The following TMEM39A variants were observed in gnomAD, a reference collection of about 807,000 sequenced individuals.
The protein encoded by TMEM39A is suppressor of SQST-1 aggregates in rpl-43 mutants.
Under a neutral mutation model 51.9 loss-of-function variants are expected in TMEM39A, and 19 were observed. That is an observed-to-expected ratio of 0.37 (90% CI 0.26 to 0.54). TMEM39A has a LOEUF of 0.54. TMEM39A is among the 20% of genes least tolerant of loss of function. TMEM39A has a pLI of 0.88. For synonymous variants in TMEM39A, 197 were observed against 220.2 expected (o/e 0.89, Z 0.93); for missense variants, 433 against 590.5 (o/e 0.73, Z 2.76).
At chr3:119,444,627 C>T (rs1250155532) in intron 5 of TMEM39A, among the ~76,000 whole-genome samples, 1 of 152,170 alleles carries the variant, frequency 6.6e-6, no homozygotes, top group Non-Finnish European at 1.5e-5. Flanking sequence ...CACTTCAGCA[C>T]CATAAATAAT....
chr3:119,434,439 C>T (rs2080941615), intron 8 of TMEM39A, among the ~76,000 whole-genome samples: 1 of 152,116 alleles, frequency 6.6e-6, no homozygotes, highest in Non-Finnish European at 1.5e-5. Flanking sequence ...CTAAACCAAA[C>T]TCTTACAAAA....
At chr3:119,433,137 G>A (rs1238084024) in intron 8 of TMEM39A, among the ~76,000 whole-genome samples, 6 of 152,108 alleles carry the variant, frequency 3.9e-5, no homozygotes, top group Non-Finnish European at 8.8e-5. Flanking sequence ...TAATTTAGAT[G>A]GAATTTAGAT....
At chr3:119,445,472 C>T (rs561175621) in intron 5 of TMEM39A, among the ~76,000 whole-genome samples, 1 of 152,152 alleles carries the variant, frequency 6.6e-6, no homozygotes, top group Non-Finnish European at 1.5e-5. Context: ...GCCATGTTGG[C>T]GAGGCTGGTC....
intron 5 of TMEM39A, among the ~76,000 whole-genome samples, chr3:119,442,240 G>A (rs1416316883): frequency 6.6e-6 from 1 of 151,966 alleles, no homozygotes; most frequent in Non-Finnish European, 1.5e-5. Flanking sequence ...CTACTTGGGA[G>A]GCTGAGGCAG....
In TMEM39A at chr3:119,462,166, C is replaced by A; in HGVS notation, c.-74-18G>T. On this transcript the variant is annotated intron_variant, in intron 1 of 8. Transcript: ENST00000319172. ...TTTCAACTCTGAACGACAACAAAAACATTTAAACATCAGTAGACTATTTTT... is the reference window on the plus strand; with the variant it reads ...TTTCAACTCTGAACGACAACAAAAAAATTTAAACATCAGTAGACTATTTTT... 1 of 866,322 alleles carries A rather than the reference C, an allele frequency of 1.2e-6. No homozygotes were observed. Among genetic ancestry groups the A allele is most frequent in the Non-Finnish European group, 1.9e-6 (1 of 538,372 alleles). The allele number at this position is 866,322 out of a possible 1,614,324, so 53.7% of individuals were successfully genotyped here.
chr3:119,447,268 TA>T, intron 4 of TMEM39A, 96 bp from the exon 5 acceptor site: 1 of 1,242,320 alleles, frequency 8.0e-7, no homozygotes, highest in Non-Finnish European at 1.1e-6. Context: ...TAGTGGAAGC[TA>T]AAATGTGTCT....
chr3:119,441,514 G>C (rs1403387948), intron 5 of TMEM39A, among the ~76,000 whole-genome samples: 1 of 152,176 alleles, frequency 6.6e-6, no homozygotes, highest in Non-Finnish European at 1.5e-5. Flanking sequence ...TTAAGTCTAT[G>C]AACCTCCAGA....
intron 3 of TMEM39A, among the ~76,000 whole-genome samples, chr3:119,456,579 G>C (rs951078018): frequency 6.6e-6 from 1 of 151,732 alleles, no homozygotes; most frequent in Non-Finnish European, 1.5e-5. Context: ...GTCTTCTTTC[G>C]CCTAGAGCCT....
rs1314285107 is a variant in TMEM39A, at chr3:119,431,794, A to C, written c.*187T>G. 1 of 461,600 alleles carries C rather than the reference A, an allele frequency of 2.2e-6. No homozygotes were observed. Among genetic ancestry groups the C allele is most frequent in the Non-Finnish European group, 3.8e-6 (1 of 263,194 alleles). The allele number at this position is 461,600 out of a possible 1,614,324, so 28.6% of individuals were successfully genotyped here. A position where few individuals can be genotyped will look rare whatever the true frequency, so the allele number is the denominator to read the frequency against. On this transcript the variant is annotated 3_prime_UTR_variant, in exon 9 of 9. Transcript: ENST00000319172. Reference sequence around the variant, plus strand: ...TCTCATATGTATATTATTCGAATATACTAACACATGAAAGATCACATCACC... The same window carrying C: ...TCTCATATGTATATTATTCGAATATCCTAACACATGAAAGATCACATCACC...
chr3:119,434,409 A>C (rs2080941011), intron 8 of TMEM39A, among the ~76,000 whole-genome samples: 2 of 152,200 alleles, frequency 1.3e-5, no homozygotes, highest in African/African-American at 4.8e-5. Context: ...ACACAGATAC[A>C]ATATATCTTA....
chr3:119,438,004 C>G lies in TMEM39A; in HGVS notation c.675G>C (p.Glu225Asp), dbSNP rs765992646. The change falls in exon 6 of 9, where the codon GAG (glutamate) becomes GAC (aspartate). Residue 225 changes from glutamate to aspartate, a missense_variant. Physicochemically the swap from Glu to Asp is conservative, Grantham distance 45. Transcript: ENST00000319172. ...YNYVVQHEAV[E>D]ESASTVGGLA... ...AGCCTCCCACAGTCGAGGCACTTTC[C>G]TCTACTGCCTCGTGCTGAACCACAT... 1 of 1,614,142 alleles carries G rather than the reference C, an allele frequency of 6.2e-7. No homozygotes were observed. The highest frequency in any genetic ancestry group is 1.1e-5 in the South Asian group (1 of 91,080).
At chr3:119,460,177 C>T (rs963521650) in intron 2 of TMEM39A, among the ~76,000 whole-genome samples, 1 of 151,532 alleles carries the variant, frequency 6.6e-6, no homozygotes, top group Non-Finnish European at 1.5e-5. Context: ...TTTTTTCTAC[C>T]CACTCCCTCC....
chr3:119,447,181 T>G lies in TMEM39A; in HGVS notation c.421-9A>C. 1 of 1,605,988 alleles carries G rather than the reference T, an allele frequency of 6.2e-7. No individual in the cohort carries two copies. The highest frequency in any genetic ancestry group is 8.5e-7 in the Non-Finnish European group (1 of 1,177,096). ...GCACCTGCCTTAGTAGCCTGAAAGT[T>G]TGGAAGCACCAAAATGAACATTTTG... On this transcript the variant is annotated splice_polypyrimidine_tract_variant and intron_variant, in intron 4 of 8. Transcript: ENST00000319172.
chr3:119,448,204 T>C (rs1237068084), intron 4 of TMEM39A, among the ~76,000 whole-genome samples: 3 of 152,250 alleles, frequency 2.0e-5, no homozygotes, highest in Non-Finnish European at 4.4e-5. Context: ...AATATGCTTC[T>C]TCAATCGCAA....
At chr3:119,448,492 G>A (rs563629580) in intron 4 of TMEM39A, among the ~76,000 whole-genome samples, 87 of 152,122 alleles carry the variant, frequency 5.7e-4, no homozygotes, top group African/African-American at 1.8e-3. Flanking sequence ...TAACATATAC[G>A]CAATATACTG....
chr3:119,451,810 A>G (rs1310718847), intron 4 of TMEM39A, among the ~76,000 whole-genome samples: 1 of 147,928 alleles, frequency 6.8e-6, no homozygotes, highest in Non-Finnish European at 1.5e-5. Flanking sequence ...AGCCTGGGCA[A>G]CAAGAGTGAA....
At chr3:119,451,667 C>T (rs1438713097) in intron 4 of TMEM39A, among the ~76,000 whole-genome samples, 1 of 151,710 alleles carries the variant, frequency 6.6e-6, no homozygotes, top group Non-Finnish European at 1.5e-5. Flanking sequence ...CCCGTCTCTA[C>T]TAAAAATACA....
chr3:119,451,239 T>A (rs2081193615), intron 4 of TMEM39A: 1 of 1,282,792 alleles, frequency 7.8e-7, no homozygotes, highest in African/African-American at 1.5e-5. Flanking sequence ...CAAATGGTTT[T>A]CAGATCTTGA....
chr3:119,445,638 T>C (rs992390423), intron 5 of TMEM39A, among the ~76,000 whole-genome samples: 1 of 152,220 alleles, frequency 6.6e-6, no homozygotes, highest in Non-Finnish European at 1.5e-5. Flanking sequence ...TAGTTAATGA[T>C]ACACACATGC....
Sources: gnomAD v4.1 joint callset for allele counts (sites outside exome capture counted in the v4.1 genomes callset) on GRCh38, gnomAD v4.1.1 for gene constraint, MANE v1.5 for transcripts, NCBI Gene and HGNC (gene_info 2026-07-23, HGNC 2026-07-21) for gene names.